The following NDST3 variants were observed in gnomAD, a reference collection of about 807,000 sequenced individuals.
The protein encoded by NDST3 is bifunctional heparan sulfate N-deacetylase/N-sulfotransferase 3.
NDST3 carries 58 observed loss-of-function variants against 96.1 expected under a neutral mutation model. The observed-to-expected ratio is 0.60, with a 90% confidence interval of 0.49 to 0.75. The LOEUF (loss-of-function observed/expected upper bound fraction) is 0.75, where lower values mean the gene tolerates loss of function less well. Ranked by LOEUF, NDST3 falls within the 30% of genes least tolerant of loss-of-function variation. The probability of loss-of-function intolerance (pLI) is 0.00; values close to 1 mark genes in which losing one functional copy is unlikely to be tolerated. For synonymous variants in NDST3, 333 were observed against 359.7 expected (o/e 0.93, Z 0.84); for missense variants, 788 against 1,034.2 (o/e 0.76, Z 3.27).
Position 118,169,625 on chromosome 4 carries a change from C to CTTTTA in NDST3, c.1539+25944_1539+25945insTATTT, listed in dbSNP as rs1278983601. 5.6e-3 allele frequency among the ~76,000 whole-genome samples: 856 copies of CTTTTA among 152,102 alleles called. 9 individuals are homozygous for CTTTTA. The highest frequency in any genetic ancestry group is 0.02 in the African/African-American group (822 of 41,492). ...CCTGGCCAACATGGCAAAACCCCGT[C>CTTTTA]TTTACTAAAAATAAAAGAATTAGCC... On this transcript the variant is annotated intron_variant, in intron 6 of 13. Transcript: ENST00000296499.
chr4:118,135,086 T>C (rs1419446508), intron 4 of NDST3, among the ~76,000 whole-genome samples: 2 of 152,216 alleles, frequency 1.3e-5, no homozygotes, highest in Non-Finnish European at 2.9e-5. Context: ...AACTTTTCTA[T>C]ACAATAACGT....
rs144889660 is a variant in NDST3, at chr4:118,107,479, T to C, written c.1069+2374T>C. Among the ~76,000 whole-genome samples, 13 of 152,162 alleles carry C rather than the reference T, an allele frequency of 8.5e-5. No homozygotes were observed. The East Asian group carries it at 2.1e-3, about 25-fold the overall frequency. Reference sequence around the variant, plus strand: ...GAGATAATTTTAAATATAAACCATATAGAAAAAGCTCTCAAGATACACTGA... The same window carrying C: ...GAGATAATTTTAAATATAAACCATACAGAAAAAGCTCTCAAGATACACTGA... On this transcript the variant is annotated intron_variant, in intron 3 of 13. Coordinates refer to ENST00000296499, the MANE Select transcript of NDST3 (RefSeq NM_004784.3).
At chr4:118,130,146 T>C (rs960637394) in intron 4 of NDST3, among the ~76,000 whole-genome samples, 10 of 152,118 alleles carry the variant, frequency 6.6e-5, no homozygotes, top group Admixed American at 3.9e-4. Flanking sequence ...ATTTGGCCAC[T>C]CTGTGTCTTT....
intron 6 of NDST3, among the ~76,000 whole-genome samples, chr4:118,217,689 A>G (rs991403620): frequency 6.6e-6 from 1 of 152,036 alleles, no homozygotes; most frequent in Non-Finnish European, 1.5e-5. Context: ...TTCCTTTGCC[A>G]CATAGCCCTT....
chr4:118,071,845 A>G (rs759359843), intron 2 of NDST3, among the ~76,000 whole-genome samples: 3 of 152,186 alleles, frequency 2.0e-5, no homozygotes, highest in Non-Finnish European at 4.4e-5. Context: ...TGCTTTCCAC[A>G]GTGGCTGAAC....
chr4:118,041,418 G>C (rs770539153), intron 1 of NDST3, among the ~76,000 whole-genome samples: 9 of 152,134 alleles, frequency 5.9e-5, no homozygotes, highest in Non-Finnish European at 1.2e-4. Context: ...AGGAAATCTT[G>C]ATGATGTGTT....
intron 6 of NDST3, among the ~76,000 whole-genome samples, chr4:118,176,834 G>T (rs943338592): frequency 6.6e-6 from 1 of 151,902 alleles, no homozygotes; most frequent in African/African-American, 2.4e-5. Context: ...ATAATCAATG[G>T]AATTTGAGAT....
In NDST3 at chr4:118,138,479, G is replaced by A. The variant is rs1733306380; in HGVS notation, c.1410+240G>A. Among the ~76,000 whole-genome samples the A allele has an allele frequency of 2.6e-5, 4 of 152,212 alleles. No individual in the cohort carries two copies. In the South Asian group the frequency reaches 8.3e-4, roughly 32 times the overall value. On this transcript the variant is annotated intron_variant, in intron 5 of 13. Coordinates refer to ENST00000296499, the MANE Select transcript of NDST3 (RefSeq NM_004784.3). ...TTACCACTGGTAAGCAGGCACTGAT[G>A]TTAAAATACTAAAAAAAAATTACAT...
chr4:118,241,445 T>A (rs1560741065), intron 11 of NDST3, among the ~76,000 whole-genome samples: 2 of 152,158 alleles, frequency 1.3e-5, no homozygotes. Context: ...GCAGGCTTTG[T>A]GGCCTTTAAT....
At chr4:118,139,349 G>T (rs1733381522) in intron 5 of NDST3, among the ~76,000 whole-genome samples, 1 of 152,192 alleles carries the variant, frequency 6.6e-6, no homozygotes, top group South Asian at 2.1e-4. Context: ...AATCATGCAG[G>T]TAATCAAGGC....
intron 6 of NDST3, among the ~76,000 whole-genome samples, chr4:118,173,145 T>C (rs562438071): frequency 6.7e-6 from 1 of 148,756 alleles, no homozygotes; most frequent in Admixed American, 6.7e-5. Flanking sequence ...TGTGTGTGTG[T>C]GTGTGTGTGT....
intron 6 of NDST3, among the ~76,000 whole-genome samples, chr4:118,215,306 G>T (rs1447175054): frequency 1.3e-5 from 2 of 152,076 alleles, no homozygotes; most frequent in Admixed American, 1.3e-4. Context: ...TGTCAAAAAA[G>T]CCAAGGAAGA....
intron 6 of NDST3, among the ~76,000 whole-genome samples, chr4:118,166,090 G>T (rs569686277): frequency 6.6e-6 from 1 of 151,550 alleles, no homozygotes; most frequent in East Asian, 1.9e-4. Flanking sequence ...AAATGAAATA[G>T]AAAATATAAA....
intron 2 of NDST3, among the ~76,000 whole-genome samples, chr4:118,069,635 T>A (rs557818870): frequency 2.6e-5 from 4 of 152,220 alleles, no homozygotes; most frequent in African/African-American, 9.6e-5. Flanking sequence ...CTGGATTTAG[T>A]CAATCTTTAA....
At chr4:118,219,386 A>G (rs1303650455) in intron 6 of NDST3, among the ~76,000 whole-genome samples, 1 of 152,082 alleles carries the variant, frequency 6.6e-6, no homozygotes. Context: ...AAATAACACC[A>G]TACATCTACA....
intron 8 of NDST3, among the ~76,000 whole-genome samples, chr4:118,230,952 A>C (rs1740243672): frequency 6.6e-6 from 1 of 152,152 alleles, no homozygotes; most frequent in Non-Finnish European, 1.5e-5. Flanking sequence ...TAATTTATAA[A>C]TACTTAAATA....
At chr4:118,180,009 A>G (rs1736507031) in intron 6 of NDST3, among the ~76,000 whole-genome samples, 1 of 152,102 alleles carries the variant, frequency 6.6e-6, no homozygotes, top group Admixed American at 6.6e-5. Context: ...CCTCCAGTTA[A>G]CATGGTTCTT....
intron 5 of NDST3, among the ~76,000 whole-genome samples, chr4:118,143,196 A>T (rs1733691119): frequency 1.3e-5 from 2 of 152,200 alleles, no homozygotes; most frequent in South Asian, 4.1e-4. Context: ...ACAGTATAGC[A>T]CAGACAATCC....
chr4:118,169,953 T>C (rs1278793890), intron 6 of NDST3, among the ~76,000 whole-genome samples: 2 of 152,090 alleles, frequency 1.3e-5, no homozygotes, highest in African/African-American at 4.8e-5. Context: ...GGCTTTTCCA[T>C]GTGATCTTTA....
Sources: gnomAD v4.1 joint callset for allele counts (sites outside exome capture counted in the v4.1 genomes callset) on GRCh38, gnomAD v4.1.1 for gene constraint, MANE v1.5 for transcripts, NCBI Gene and HGNC (gene_info 2026-07-23, HGNC 2026-07-21) for gene names.